The following CERS6 variants were observed in gnomAD, a reference collection of about 807,000 sequenced individuals.
CERS6 encodes LAG1 homolog, ceramide synthase 6.
CERS6 carries 26 observed loss-of-function variants against 56.8 expected under a neutral mutation model. The ratio of observed to expected loss-of-function variants is 0.46; its 90% CI spans 0.34 to 0.63. The LOEUF (loss-of-function observed/expected upper bound fraction) is 0.63, where lower values mean the gene tolerates loss of function less well. Ranked by LOEUF, CERS6 falls within the 30% of genes least tolerant of loss-of-function variation. The pLI is 0.01. For missense variants in CERS6, 415 were observed against 467.5 expected, an observed-to-expected ratio of 0.89 and a Z score of 1.04; for synonymous variants, 164 against 173.3, an observed-to-expected ratio of 0.95 and a Z score of 0.42.
chr2:168,668,101 T>G (rs1685811086), intron 4 of CERS6, among the ~76,000 whole-genome samples: 1 of 152,184 alleles, frequency 6.6e-6, no homozygotes, highest in Admixed American at 6.5e-5. Flanking sequence ...TGGTGTGGAA[T>G]CAACAGATGT....
Position 168,630,970 on chromosome 2 carries a change from T to G in CERS6, c.408-15T>G, listed in dbSNP as rs780890217. ...ATAAACTGAATGTCACAGATTTTTTTTTAACCTTCTACAGGTGGAGATTTT... is the reference window on the plus strand; with the variant it reads ...ATAAACTGAATGTCACAGATTTTTTGTTAACCTTCTACAGGTGGAGATTTT... On this transcript the variant is annotated splice_polypyrimidine_tract_variant and intron_variant, in intron 3 of 9. Coordinates refer to ENST00000305747, the MANE Select transcript of CERS6 (RefSeq NM_203463.3). The G allele has an allele frequency of 2.2e-6, 3 of 1,381,346 alleles. No homozygotes were observed. In the Admixed American group the frequency reaches 6.0e-5, roughly 27 times the overall value. The allele number at this position is 1,381,346 out of a possible 1,614,324, so 85.6% of individuals were successfully genotyped here. A position where few individuals can be genotyped will look rare whatever the true frequency, so the allele number is the denominator to read the frequency against.
At chr2:168,740,128 A>G (rs555835213) in intron 8 of CERS6, among the ~76,000 whole-genome samples, 91 of 152,282 alleles carry the variant, frequency 6.0e-4, no homozygotes, top group African/African-American at 2.1e-3. Flanking sequence ...TCCAGAATTG[A>G]TGCATATTTG....
chr2:168,516,157 G>A (rs1694880565), intron 1 of CERS6, among the ~76,000 whole-genome samples: 1 of 152,088 alleles, frequency 6.6e-6, no homozygotes, highest in East Asian at 1.9e-4. Flanking sequence ...AATGGGATTG[G>A]TGGGCCTAGC....
At chr2:168,601,924 T>C (rs1411664831) in intron 3 of CERS6, among the ~76,000 whole-genome samples, 3 of 152,156 alleles carry the variant, frequency 2.0e-5, no homozygotes, top group African/African-American at 7.2e-5. Flanking sequence ...AGTGTTGAAC[T>C]TGAAAATACA....
intron 8 of CERS6, among the ~76,000 whole-genome samples, chr2:168,761,867 A>T (rs890682315): frequency 6.6e-6 from 1 of 152,110 alleles, no homozygotes; most frequent in East Asian, 1.9e-4. Flanking sequence ...CATTTTTACA[A>T]ATTACTTGTA....
chr2:168,735,396 A>T (rs1683680945), intron 8 of CERS6, among the ~76,000 whole-genome samples: 1 of 152,136 alleles, frequency 6.6e-6, no homozygotes, highest in Non-Finnish European at 1.5e-5. Context: ...AAAAATTTAT[A>T]CAAGAACAGT....
intron 4 of CERS6, among the ~76,000 whole-genome samples, chr2:168,655,117 C>T (rs1372175841): frequency 6.6e-6 from 1 of 151,994 alleles, no homozygotes; most frequent in Non-Finnish European, 1.5e-5. Flanking sequence ...TAAAAATGGC[C>T]AACCGACATA....
At chr2:168,703,148 T>C (rs1686844766) in intron 6 of CERS6, among the ~76,000 whole-genome samples, 1 of 152,224 alleles carries the variant, frequency 6.6e-6, no homozygotes, top group Non-Finnish European at 1.5e-5. Context: ...ATGTTAATAC[T>C]GATAGATATA....
intron 1 of CERS6, among the ~76,000 whole-genome samples, chr2:168,506,939 T>A (rs751837793): frequency 2.6e-5 from 4 of 152,216 alleles, no homozygotes; most frequent in Non-Finnish European, 5.9e-5. Flanking sequence ...TTCAAAACGA[T>A]TTCAAACACA....
intron 1 of CERS6, among the ~76,000 whole-genome samples, chr2:168,543,086 A>G (rs1167695384): frequency 6.6e-6 from 1 of 152,256 alleles, no homozygotes; most frequent in East Asian, 1.9e-4. Context: ...CATGTTTAAA[A>G]TACAAATACG....
intron 5 of CERS6, among the ~76,000 whole-genome samples, chr2:168,691,717 GTGT>G (rs1270152686): frequency 6.6e-6 from 1 of 152,188 alleles, no homozygotes; most frequent in African/African-American, 2.4e-5. Context: ...ATATAAGCAT[GTGT>G]TGTTGGGATC....
chr2:168,609,612 A>G (rs1230578363), intron 3 of CERS6, among the ~76,000 whole-genome samples: 14 of 152,128 alleles, frequency 9.2e-5, no homozygotes, highest in African/African-American at 3.4e-4. Flanking sequence ...ACCTTTAATG[A>G]CAGTCCCCTG....
intron 6 of CERS6, among the ~76,000 whole-genome samples, chr2:168,699,949 G>C (rs997116118): frequency 1.2e-4 from 19 of 152,302 alleles, no homozygotes; most frequent in Non-Finnish European, 2.4e-4. Context: ...TAAGCCCTAT[G>C]TCCCTTTTAA....
At chr2:168,748,329 A>G (rs1160712899) in intron 8 of CERS6, among the ~76,000 whole-genome samples, 2 of 152,206 alleles carry the variant, frequency 1.3e-5, no homozygotes, top group Non-Finnish European at 2.9e-5. Context: ...GCACAGTTAA[A>G]CTCAGTATAA....
chr2:168,514,657 G>T (rs1418827189), intron 1 of CERS6, among the ~76,000 whole-genome samples: 1 of 152,178 alleles, frequency 6.6e-6, no homozygotes, highest in Non-Finnish European at 1.5e-5. Flanking sequence ...AGAAGAACCT[G>T]CCTCCCTTGG....
At chr2:168,654,337 A>C (rs1241843923) in intron 4 of CERS6, among the ~76,000 whole-genome samples, 1 of 152,044 alleles carries the variant, frequency 6.6e-6, no homozygotes, top group Non-Finnish European at 1.5e-5. Context: ...TCACCTGAGG[A>C]GTTCGAGACC....
intron 4 of CERS6, among the ~76,000 whole-genome samples, chr2:168,669,467 T>A (rs1422916584): frequency 6.6e-6 from 1 of 152,156 alleles, no homozygotes; most frequent in Non-Finnish European, 1.5e-5. Flanking sequence ...TTCAACTTAA[T>A]GTTGGGGTTC....
intron 8 of CERS6, among the ~76,000 whole-genome samples, chr2:168,733,269 G>A (rs1683604280): frequency 6.6e-6 from 1 of 152,090 alleles, no homozygotes; most frequent in South Asian, 2.1e-4. Context: ...TAGAGTCTTG[G>A]TACAACAAAT....
chr2:168,460,372 T>C (rs1398487313), intron 1 of CERS6, among the ~76,000 whole-genome samples: 1 of 152,030 alleles, frequency 6.6e-6, no homozygotes, highest in South Asian at 2.1e-4. Flanking sequence ...TTTTTTGTAA[T>C]TTTTTGTAGA....
Sources: gnomAD v4.1 joint callset for allele counts (sites outside exome capture counted in the v4.1 genomes callset) on GRCh38, gnomAD v4.1.1 for gene constraint, MANE v1.5 for transcripts, NCBI Gene and HGNC (gene_info 2026-07-23, HGNC 2026-07-21) for gene names.